NXPH1: variants seen among roughly 807,000 people sequenced by gnomAD.
The protein encoded by NXPH1 is neurexophilin-1.
NXPH1 carries 5 observed loss-of-function variants against 23.7 expected under a neutral mutation model. The observed-to-expected ratio is 0.21, with a 90% CI of 0.11 to 0.44. NXPH1 has a LOEUF of 0.44. NXPH1 is among the 20% of genes least tolerant of loss of function. The pLI is 0.99. For missense variants in NXPH1, 324 were observed against 321.6 expected (o/e 1.01, Z -0.06); for synonymous variants, 144 against 122.2 (o/e 1.18, Z -1.18).
chr7:8,466,494 G>T (rs887551314), intron 2 of NXPH1, among the ~76,000 whole-genome samples: 8 of 152,140 alleles, frequency 5.3e-5, no homozygotes, highest in African/African-American at 1.7e-4. Context: ...ATTTTTGACT[G>T]CAAGAATAAA....
intron 2 of NXPH1, among the ~76,000 whole-genome samples, chr7:8,697,044 G>A (rs963168605): frequency 1.4e-4 from 21 of 150,564 alleles, no homozygotes; most frequent in African/African-American, 5.1e-4. Flanking sequence ...TGTGATCCCA[G>A]CTACTAAGGA....
chr7:8,632,601 GTTC>G (rs1820152879), intron 2 of NXPH1, among the ~76,000 whole-genome samples: 1 of 152,158 alleles, frequency 6.6e-6, no homozygotes, highest in Admixed American at 6.6e-5. Context: ...CATGGAATCT[GTTC>G]TTATCGCCTT....
intron 2 of NXPH1, among the ~76,000 whole-genome samples, chr7:8,712,431 T>C (rs904070862): frequency 6.6e-6 from 1 of 152,164 alleles, no homozygotes; most frequent in African/African-American, 2.4e-5. Flanking sequence ...GACAAATGAG[T>C]AGCTTAAACT....
In NXPH1 at chr7:8,463,871, A is replaced by G. The variant is rs145396130; in HGVS notation, c.54+28104A>G. Among the ~76,000 whole-genome samples, 1,260 of 152,324 alleles carry G rather than the reference A, an allele frequency of 8.3e-3. 16 individuals carry two copies. Among genetic ancestry groups the G allele is most frequent in the African/African-American group, 0.029 (1,188 of 41,566 alleles). On this transcript the variant is annotated intron_variant, in intron 2 of 2. Coordinates refer to ENST00000405863, the MANE Select transcript of NXPH1 (RefSeq NM_152745.3). ...GTCTGGCAGAAAATAGGCAATTAATATAAATGTTGACTATTGCTGGCATTA... is the reference window on the plus strand; with the variant it reads ...GTCTGGCAGAAAATAGGCAATTAATGTAAATGTTGACTATTGCTGGCATTA...
chr7:8,678,132 AG>A (rs1820981869), intron 2 of NXPH1, among the ~76,000 whole-genome samples: 1 of 152,170 alleles, frequency 6.6e-6, no homozygotes. Flanking sequence ...TCCTATTTCA[AG>A]TACTCTCTAA....
chr7:8,464,971 G>A (rs1198428218), intron 2 of NXPH1, among the ~76,000 whole-genome samples: 1 of 152,156 alleles, frequency 6.6e-6, no homozygotes. Flanking sequence ...GGACCAAAAT[G>A]TGCTTTGGGA....
At chr7:8,663,534 C>T (rs547589126) in intron 2 of NXPH1, among the ~76,000 whole-genome samples, 6 of 152,040 alleles carry the variant, frequency 3.9e-5, no homozygotes, top group Non-Finnish European at 5.9e-5. Flanking sequence ...TAGCTAAAGC[C>T]GGCTTCTGTT....
At chr7:8,709,109 A>G (rs997226046) in intron 2 of NXPH1, among the ~76,000 whole-genome samples, 5 of 152,246 alleles carry the variant, frequency 3.3e-5, no homozygotes, top group African/African-American at 1.2e-4. Flanking sequence ...TAATTAAGAA[A>G]AAAACTGTGC....
intron 2 of NXPH1, among the ~76,000 whole-genome samples, chr7:8,534,022 A>C (rs1563338386): frequency 6.6e-6 from 1 of 152,172 alleles, no homozygotes; most frequent in African/African-American, 2.4e-5. Context: ...TGTTAACAAC[A>C]TATTGTGCTT....
chr7:8,669,471 C>T (rs1291808839), intron 2 of NXPH1, among the ~76,000 whole-genome samples: 4 of 152,184 alleles, frequency 2.6e-5, no homozygotes, highest in African/African-American at 9.7e-5. Flanking sequence ...AAGCCTGGGG[C>T]TGTAGGAACT....
chr7:8,680,577 A>T (rs887512824), intron 2 of NXPH1, among the ~76,000 whole-genome samples: 1 of 152,272 alleles, frequency 6.6e-6, no homozygotes, highest in African/African-American at 2.4e-5. Flanking sequence ...AATGAAACAA[A>T]ACTAAAAATA....
intron 2 of NXPH1, among the ~76,000 whole-genome samples, chr7:8,735,673 C>T (rs764733733): frequency 2.2e-4 from 33 of 152,082 alleles, no homozygotes; most frequent in Non-Finnish European, 3.8e-4. Context: ...GGGAGGACTC[C>T]CTCTTTTTCT....
chr7:8,643,918 T>C (rs541377461), intron 2 of NXPH1, among the ~76,000 whole-genome samples: 5 of 152,304 alleles, frequency 3.3e-5, no homozygotes, highest in African/African-American at 1.2e-4. Context: ...TTCATACTTT[T>C]GTTCTTATTT....
intron 2 of NXPH1, among the ~76,000 whole-genome samples, chr7:8,446,662 C>A (rs1370192761): frequency 6.6e-6 from 1 of 152,052 alleles, no homozygotes; most frequent in East Asian, 1.9e-4. Flanking sequence ...TTTCTTCCTC[C>A]AAACAGAAAT....
intron 2 of NXPH1, among the ~76,000 whole-genome samples, chr7:8,492,720 T>C (rs1232291178): frequency 6.6e-6 from 1 of 151,994 alleles, no homozygotes; most frequent in African/African-American, 2.4e-5. Flanking sequence ...AGCACAATAA[T>C]GCTGATGCTG....
rs902677461 is a variant in NXPH1, at chr7:8,558,183, A to G, written c.54+122416A>G. Among the ~76,000 whole-genome samples, 7 of 151,530 alleles carry G rather than the reference A, an allele frequency of 4.6e-5. 1 individual carries two copies. The highest frequency in any genetic ancestry group is 1.0e-4 in the Non-Finnish European group (7 of 67,770). On this transcript the variant is annotated intron_variant, in intron 2 of 2. Coordinates refer to ENST00000405863, the MANE Select transcript of NXPH1 (RefSeq NM_152745.3). Reference sequence around the variant, plus strand: ...TAGGTTTTATATGGGTTTCTTTATTATCTATCAGCTTTCAAGAGTCAAAAT... The same window carrying G: ...TAGGTTTTATATGGGTTTCTTTATTGTCTATCAGCTTTCAAGAGTCAAAAT...
intron 2 of NXPH1, among the ~76,000 whole-genome samples, chr7:8,676,203 C>T (rs965424188): frequency 2.6e-5 from 4 of 152,166 alleles, no homozygotes; most frequent in African/African-American, 4.8e-5. Flanking sequence ...AAGATTATAA[C>T]TCCCTACGTC....
chr7:8,490,567 G>C (rs1438809756), intron 2 of NXPH1, among the ~76,000 whole-genome samples: 1 of 151,864 alleles, frequency 6.6e-6, no homozygotes, highest in Non-Finnish European at 1.5e-5. Context: ...CATTTTTTGT[G>C]GTCCTACATT....
chr7:8,473,997 G>C (rs973801954), intron 2 of NXPH1, among the ~76,000 whole-genome samples: 1 of 152,152 alleles, frequency 6.6e-6, no homozygotes. Flanking sequence ...TCACCAGTGA[G>C]TGGACAGCTC....
Sources: allele counts gnomAD v4.1 joint callset (sites outside exome capture counted in the v4.1 genomes callset), GRCh38; gene constraint gnomAD v4.1.1; transcripts MANE v1.5; gene names NCBI Gene and HGNC (gene_info 2026-07-23, HGNC 2026-07-21).